Variants in SPICE1 observed in about 807,000 individuals in gnomAD.
SPICE1 encodes the protein spindle and centriole-associated protein 1.
A neutral mutation model predicts 102.7 loss-of-function variants in SPICE1; 75 were observed. The observed-to-expected ratio is 0.73, with a 90% CI of 0.61 to 0.88. The LOEUF (loss-of-function observed/expected upper bound fraction) is 0.88. Among genes scored for constraint, SPICE1 ranks in the 40% least tolerant of loss-of-function variants. The probability of loss-of-function intolerance (pLI) is 0.00; values close to 1 mark genes in which losing one functional copy is unlikely to be tolerated. For synonymous variants in SPICE1, 308 were observed against 350.3 expected (o/e 0.88, Z 1.35); for missense variants, 979 against 1,020.1 (o/e 0.96, Z 0.55).
chr3:113,496,261 GATTTATAACTCCTCTCATAAAGCCCATCC>G (rs1258290657), intron 4 of SPICE1, among the ~76,000 whole-genome samples: 72 of 151,998 alleles, frequency 4.7e-4, no homozygotes, highest in African/African-American at 1.7e-3. Flanking sequence ...CTTCTTTCTA[GATTTATAACTCCTCTCATAAAGCCCATCC>G]ATTTGACAGG....
intron 1 of SPICE1, among the ~76,000 whole-genome samples, chr3:113,508,345 A>T (rs748950543): frequency 6.6e-6 from 1 of 152,212 alleles, no homozygotes; most frequent in Non-Finnish European, 1.5e-5. Flanking sequence ...CAACCAATAG[A>T]ATGGGAGAAA....
intron 4 of SPICE1, among the ~76,000 whole-genome samples, chr3:113,496,410 C>T (rs957343802): frequency 8.2e-6 from 1 of 121,752 alleles, no homozygotes; most frequent in Non-Finnish European, 1.7e-5. Context: ...TCAAAGGATC[C>T]CAGTCTCTAC....
chr3:113,453,770 A>C lies in SPICE1; in HGVS notation c.1838T>G (p.Leu613Trp). 6.2e-7 allele frequency: 1 copy of C among 1,614,114 alleles called. No homozygotes were observed. The highest frequency in any genetic ancestry group is 1.7e-4 in the Middle Eastern group (1 of 6,060). Residue 613 changes from leucine (L) to tryptophan (W), a missense_variant, in exon 14 of 18, where the codon TTG (leucine) becomes TGG (tryptophan). By Grantham distance (61) the Leu-to-Trp change is moderately conservative. Transcript: ENST00000295872. ...RWRVSHMGED[L>W]ENKTQAPFVN... ...AAAAGGAGCCTGAGTTTTGTTCTCC[A>C]AATCTTCTCCCATGTGAGAGACTCT...
At chr3:113,466,002 C>T (rs553414766) in intron 10 of SPICE1, among the ~76,000 whole-genome samples, 1 of 151,982 alleles carries the variant, frequency 6.6e-6, no homozygotes, top group African/African-American at 2.4e-5. Context: ...GAACTAAATG[C>T]TATATAAAAT....
chr3:113,455,574 T>C (rs1296991013), intron 13 of SPICE1, among the ~76,000 whole-genome samples: 1 of 152,234 alleles, frequency 6.6e-6, no homozygotes, highest in Non-Finnish European at 1.5e-5. Context: ...CAGAAAATTC[T>C]ATTAGACAAA....
intron 14 of SPICE1, among the ~76,000 whole-genome samples, chr3:113,450,962 G>C (rs1299387245): frequency 1.3e-5 from 2 of 152,150 alleles, no homozygotes; most frequent in South Asian, 4.1e-4. Flanking sequence ...AAGCTTTTCT[G>C]TATCTCTTAG....
chr3:113,497,707 CTTTTT>C (rs1165475734), intron 4 of SPICE1, among the ~76,000 whole-genome samples: 2 of 91,346 alleles, frequency 2.2e-5, no homozygotes, highest in Admixed American at 1.2e-4. Flanking sequence ...AGAAAGAGAG[CTTTTT>C]TTTTTTTTTT....
chr3:113,453,697 CTGTTGAG>C lies in SPICE1; in HGVS notation c.1904_1910del (p.Thr635SerfsTer20). ...CTTCTGAGAATGTGGGGCTTCTTGA[CTGTTGAG>C]TGTTGGAATGGGAATTGCAGAGGGG... On this transcript the variant is annotated frameshift_variant, in exon 14 of 18. Transcript: ENST00000295872. LOFTEE classifies it high-confidence loss of function. The C allele has an allele frequency of 6.2e-7, 1 of 1,614,116 alleles. No homozygotes were observed. The highest frequency in any genetic ancestry group is 8.5e-7 in the Non-Finnish European group (1 of 1,180,022).
In SPICE1 at chr3:113,469,253, A is replaced by G; in HGVS notation, c.612-15T>C. 1 of 1,387,462 alleles carries G rather than the reference A, an allele frequency of 7.2e-7. No homozygotes were observed. The highest frequency in any genetic ancestry group is 9.6e-7 in the Non-Finnish European group (1 of 1,042,756). The allele number at this position is 1,387,462 out of a possible 1,614,324, so 85.9% of individuals were successfully genotyped here. ...GTTGGAGAAACCTATAAATTACAGG[A>G]CAATAAGCTACATGAGAATTATAAT... On this transcript the variant is annotated splice_polypyrimidine_tract_variant and intron_variant, in intron 7 of 17. Transcript: ENST00000295872.
chr3:113,448,253 T>G (rs1935564550), intron 15 of SPICE1, 113 bp from the exon 16 acceptor site: 10 of 919,022 alleles, frequency 1.1e-5, no homozygotes, highest in Non-Finnish European at 1.6e-5. Context: ...TCTTTCCATC[T>G]GTTTTAATCT....
At chr3:113,445,738 T>C (rs1022314877) in intron 17 of SPICE1, among the ~76,000 whole-genome samples, 1 of 152,192 alleles carries the variant, frequency 6.6e-6, no homozygotes, top group African/African-American at 2.4e-5. Context: ...TTTTGTAGAA[T>C]ATAAGAAGTA....
chr3:113,504,790 A>G (rs888318218), intron 2 of SPICE1, among the ~76,000 whole-genome samples: 2 of 152,300 alleles, frequency 1.3e-5, no homozygotes, highest in African/African-American at 4.8e-5. Flanking sequence ...AATCTAATCT[A>G]CAAGCCATTT....
chr3:113,499,470 A>C lies in SPICE1; in HGVS notation c.260T>G (p.Leu87Arg). 2.5e-6 allele frequency: 4 copies of C among 1,613,162 alleles called. No individual in the cohort carries two copies. The highest frequency in any genetic ancestry group is 3.4e-6 in the Non-Finnish European group (4 of 1,179,748). Reference sequence around the variant, plus strand: ...CATGATAGACAATCTTCTTTTCTCAAGATTTAAAGTTTCTGGTTTCTGCTT... The same window carrying C: ...CATGATAGACAATCTTCTTTTCTCACGATTTAAAGTTTCTGGTTTCTGCTT... ...WRKQKPETLN[L>R]EKRRLSIMKE... is the part of the protein sequence containing the mutation. Residue 87 changes from leucine (L) to arginine (R), a missense_variant, in exon 4 of 18, where the codon CTT becomes CGT. By Grantham distance (102) the Leu-to-Arg change is moderately radical (BLOSUM62 -2). Coordinates refer to ENST00000295872, the MANE Select transcript of SPICE1 (RefSeq NM_144718.4).
intron 17 of SPICE1, 82 bp from the exon 18 acceptor site, chr3:113,445,442 A>G: frequency 1.7e-6 from 2 of 1,164,314 alleles, no homozygotes; most frequent in Non-Finnish European, 2.6e-6. Context: ...ATTTAGACCA[A>G]GTGCATAAAA....
chr3:113,460,853 G>A (rs1050274593), intron 11 of SPICE1, 89 bp from the exon 12 acceptor site: 1 of 1,198,324 alleles, frequency 8.3e-7, no homozygotes, highest in Non-Finnish European at 1.2e-6. Context: ...GGATACGTGT[G>A]TTTAATATCA....
At chr3:113,448,222 G>T (rs958490465) in intron 15 of SPICE1, 82 bp from the exon 16 acceptor site, 2 of 1,213,518 alleles carry the variant, frequency 1.6e-6, no homozygotes, top group East Asian at 2.7e-5. Context: ...ACTGCAAACT[G>T]CACATTAAAA....
chr3:113,493,762 C>T (rs913164008), intron 5 of SPICE1, among the ~76,000 whole-genome samples: 2 of 152,144 alleles, frequency 1.3e-5, no homozygotes, highest in Non-Finnish European at 2.9e-5. Flanking sequence ...AAGCTTTATT[C>T]AAGTCACATT....
chr3:113,445,026 A>G lies in SPICE1; in HGVS notation c.*281T>C, dbSNP rs1018623281. On this transcript the variant is annotated 3_prime_UTR_variant, in exon 18 of 18. Coordinates refer to ENST00000295872, the MANE Select transcript of SPICE1 (RefSeq NM_144718.4). ...TAAAGATAAAGGTAAAAATGTATTA[A>G]TAAAAAAAACCCTTAAAATACTTAA... 1 of 234,426 alleles carries G rather than the reference A, an allele frequency of 4.3e-6. No homozygotes were observed. Among genetic ancestry groups the G allele is most frequent in the African/African-American group, 2.3e-5 (1 of 44,302 alleles). 14.5% of individuals were successfully genotyped at this position (234,426 alleles called of 1,614,324 possible).
intron 1 of SPICE1, among the ~76,000 whole-genome samples, chr3:113,509,550 A>G (rs933019879): frequency 1.3e-5 from 2 of 152,214 alleles, no homozygotes; most frequent in Non-Finnish European, 2.9e-5. Context: ...ATTTGATCCC[A>G]CAACCCTGTG....
Sources: allele counts gnomAD v4.1 joint callset (sites outside exome capture counted in the v4.1 genomes callset), GRCh38; gene constraint gnomAD v4.1.1; transcripts MANE v1.5; gene names NCBI Gene and HGNC (gene_info 2026-07-23, HGNC 2026-07-21).